SI: variants seen among roughly 807,000 people sequenced by gnomAD.
SI encodes sucrase-isomaltase, intestinal.
In SI, 235 loss-of-function variants were observed where a neutral mutation model predicts 253.3. The ratio of observed to expected loss-of-function variants is 0.93; its 90% CI spans 0.83 to 1.03. SI has a LOEUF of 1.03. Among genes scored for constraint, SI ranks in the 50% least tolerant of loss-of-function variants. The pLI is 0.00. For missense variants in SI, 2,442 were observed against 2,211.1 expected, an observed-to-expected ratio of 1.10 and a Z score of -2.09; for synonymous variants, 819 against 712.0, an observed-to-expected ratio of 1.15 and a Z score of -2.39.
At chr3:165,003,579 A>G (rs548328563) in intron 37 of SI, among the ~76,000 whole-genome samples, 2 of 152,212 alleles carry the variant, frequency 1.3e-5, no homozygotes, top group South Asian at 4.1e-4. Context: ...TAAGATAAGT[A>G]GGTTTTACTA....
Position 165,055,137 on chromosome 3 carries a change from C to T in SI, c.1512+57G>A. 3.1e-6 allele frequency: 3 copies of T among 978,436 alleles called. No individual in the cohort carries two copies. The South Asian group carries it at 4.0e-5, about 13-fold the overall frequency. 60.6% of individuals were successfully genotyped at this position (978,436 alleles called of 1,614,324 possible). A position where few individuals can be genotyped will look rare whatever the true frequency, so the allele number is the denominator to read the frequency against. The stretch of plus-strand genomic sequence containing the variant: ...TATTTTGTTGACTTAGTAATTTTTA[C>T]AGATAAATAAGTCTATGGTCATTGA... On this transcript the variant is annotated intron_variant, in intron 13 of 47. Coordinates refer to ENST00000264382, the MANE Select transcript of SI (RefSeq NM_001041.4).
chr3:165,044,832 G>A (rs1713027420), intron 16 of SI, among the ~76,000 whole-genome samples: 1 of 151,832 alleles, frequency 6.6e-6, no homozygotes, highest in African/African-American at 2.4e-5. Flanking sequence ...CTAACCTGAT[G>A]TCATAAATTT....
intron 12 of SI, among the ~76,000 whole-genome samples, chr3:165,056,653 C>T (rs1435570286): frequency 1.3e-5 from 2 of 152,094 alleles, no homozygotes; most frequent in African/African-American, 4.8e-5. Flanking sequence ...TCAGTATTGG[C>T]CTGCCACAGC....
Position 165,032,524 on chromosome 3 carries a change from G to T in SI, c.2734C>A (p.Gln912Lys). Residue 912 changes from glutamine (Q) to lysine (K), a missense_variant and splice_region_variant, in exon 24 of 48, where the codon CAG becomes AAG. Physicochemically the swap from Gln to Lys is moderately conservative, Grantham distance 53. Coordinates refer to ENST00000264382, the MANE Select transcript of SI (RefSeq NM_001041.4). ...ATATTTTAAAAGATTGTAATTACCTGGTTAGAAGCATCATAAGTGAAATTG... is the reference window on the plus strand; with the variant it reads ...ATATTTTAAAAGATTGTAATTACCTTGTTAGAAGCATCATAAGTGAAATTG... The part of the protein sequence containing the change: ...HSNFTYDASN[Q>K]VLLIADLKLN... The T allele has an allele frequency of 6.3e-7, 1 of 1,594,974 alleles. No individual in the cohort carries two copies. The highest frequency in any genetic ancestry group is 8.6e-7 in the Non-Finnish European group (1 of 1,164,750).
intron 47 of SI, 96 bp downstream of exon 47, chr3:164,982,147 T>A: frequency 1.2e-6 from 1 of 860,196 alleles, no homozygotes; most frequent in Non-Finnish European, 1.9e-6. Context: ...CATAATTGAC[T>A]CATAATTATG....
upstream of SI, among the ~76,000 whole-genome samples, chr3:165,082,451 C>T (rs533655330): frequency 7.2e-5 from 11 of 152,076 alleles, no homozygotes; most frequent in African/African-American, 2.6e-4. Flanking sequence ...ATTATATGCC[C>T]AGTGCAGTAG....
the SI span, among the ~76,000 whole-genome samples, chr3:165,083,510 C>G: frequency 6.6e-6 from 1 of 151,904 alleles, no homozygotes; most frequent in Non-Finnish European, 1.5e-5. Context: ...CCTGTCTACC[C>G]TAGATCGTTC....
chr3:165,044,892 A>T (rs1713029832), intron 16 of SI, among the ~76,000 whole-genome samples: 1 of 152,056 alleles, frequency 6.6e-6, no homozygotes, highest in Non-Finnish European at 1.5e-5. Context: ...TTACACACAT[A>T]GGTCCCTTAA....
intron 43 of SI, 70 bp from the exon 44 acceptor site, chr3:164,991,547 G>A: frequency 6.7e-7 from 1 of 1,488,860 alleles, no homozygotes; most frequent in South Asian, 1.1e-5. Context: ...TGGTAGTTGA[G>A]GATATACATT....
At chr3:165,004,933 G>A (rs1389251826) in intron 37 of SI, among the ~76,000 whole-genome samples, 1 of 152,012 alleles carries the variant, frequency 6.6e-6, no homozygotes, top group Non-Finnish European at 1.5e-5. Flanking sequence ...TCCATCATGG[G>A]GGCGGTTTCC....
intron 23 of SI, 78 bp from the exon 24 acceptor site, chr3:165,032,770 C>G (rs767885926): frequency 2.1e-6 from 2 of 938,438 alleles, no homozygotes; most frequent in South Asian, 1.5e-5. Flanking sequence ...TAAGAAATAG[C>G]AAAAAAAGGT....
chr3:165,040,406 A>G (rs1220343643), intron 18 of SI, among the ~76,000 whole-genome samples: 1 of 152,044 alleles, frequency 6.6e-6, no homozygotes, highest in East Asian at 1.9e-4. Context: ...TCTTCTGTTA[A>G]ATTATTTTCT....
At chr3:165,020,459 G>T (rs149649717) in intron 27 of SI, among the ~76,000 whole-genome samples, 3 of 151,478 alleles carry the variant, frequency 2.0e-5, no homozygotes, top group African/African-American at 4.8e-5. Context: ...CTATTTAATC[G>T]AGAATAATGC....
chr3:165,079,820 T>C (rs115165790), upstream of SI, among the ~76,000 whole-genome samples: 1,556 of 151,886 alleles, frequency 0.01, 25 homozygotes, highest in African/African-American at 0.035. Context: ...AGTTGATAGA[T>C]AGCTAGATTA....
At chr3:165,065,127 C>T (rs146804448) in intron 7 of SI, 134 bp downstream of exon 7, 319 of 613,084 alleles carry the variant, frequency 5.2e-4, no homozygotes, top group African/African-American at 5.2e-3. Context: ...GCTAAACAAG[C>T]TTCTATATTG....
At chr3:164,982,926 C>G in intron 46 of SI, 76 bp downstream of exon 46, 1 of 1,395,676 alleles carries the variant, frequency 7.2e-7, no homozygotes, top group Non-Finnish European at 9.9e-7. Context: ...ACTAGGATTA[C>G]AGGCATGAGC....
chr3:165,063,193 C>T (rs9871649), intron 8 of SI, among the ~76,000 whole-genome samples: 88,660 of 151,814 alleles, frequency 0.58, 26,263 homozygotes, highest in East Asian at 0.81. Flanking sequence ...TGTGTTTCAA[C>T]ATTCCTTTGA....
At chr3:165,034,498 T>G (rs1287714715) in intron 22 of SI, among the ~76,000 whole-genome samples, 1 of 151,960 alleles carries the variant, frequency 6.6e-6, no homozygotes, top group Non-Finnish European at 1.5e-5. Flanking sequence ...TGAAATCCAC[T>G]TTTACAAAAC....
chr3:165,031,972 ATAC>A (rs1712269438), intron 24 of SI, among the ~76,000 whole-genome samples: 2 of 151,302 alleles, frequency 1.3e-5, no homozygotes, highest in South Asian at 4.1e-4. Flanking sequence ...TTTCCCCTCT[ATAC>A]TACAACTGTA....
Sources: gnomAD v4.1 joint callset for allele counts (sites outside exome capture counted in the v4.1 genomes callset) on GRCh38, gnomAD v4.1.1 for gene constraint, MANE v1.5 for transcripts, NCBI Gene and HGNC (gene_info 2026-07-23, HGNC 2026-07-21) for gene names.